Variants in RGL1 observed in about 807,000 individuals in gnomAD.
RGL1 encodes the protein ral guanine nucleotide dissociation stimulator-like 1.
A neutral mutation model predicts 95.2 loss-of-function variants in RGL1; 24 were observed. That is an observed-to-expected ratio of 0.25 (90% CI 0.18 to 0.35). The LOEUF is 0.35. Among genes scored for constraint, RGL1 ranks in the 10% least tolerant of loss-of-function variants. The probability of loss-of-function intolerance (pLI) is 1.00; values close to 1 mark genes in which losing one functional copy is unlikely to be tolerated. For missense variants in RGL1, 715 were observed against 936.3 expected (o/e 0.76, Z 3.08); for synonymous variants, 329 against 344.9 (o/e 0.95, Z 0.51).
chr1:183,758,611 A>G (rs895562903), intron 2 of RGL1, among the ~76,000 whole-genome samples: 4 of 152,102 alleles, frequency 2.6e-5, no homozygotes, highest in African/African-American at 4.8e-5. Context: ...TGTCTTCTCA[A>G]TGGGTCCTCA....
intron 4 of RGL1, 30 bp from the exon 5 acceptor site, chr1:183,880,586 G>A: frequency 6.2e-7 from 1 of 1,608,166 alleles, no homozygotes; most frequent in African/African-American, 1.3e-5. Context: ...AGCCAGTTGG[G>A]TGCAGTGACT....
intron 2 of RGL1, among the ~76,000 whole-genome samples, chr1:183,796,638 T>C (rs977049018): frequency 7.9e-5 from 12 of 152,194 alleles, no homozygotes; most frequent in African/African-American, 2.9e-4. Context: ...TTAGCTACTT[T>C]GTTATAGAAG....
chr1:183,907,154 G>T (rs1487801880), intron 14 of RGL1, 53 bp downstream of exon 14: 10 of 986,978 alleles, frequency 1.0e-5, no homozygotes, highest in Non-Finnish European at 1.6e-5. Context: ...TCAGAGTCGT[G>T]AGAGGAGATG....
intron 1 of RGL1, among the ~76,000 whole-genome samples, chr1:183,710,438 A>G (rs534894985): frequency 9.5e-4 from 144 of 152,160 alleles, no homozygotes; most frequent in Non-Finnish European, 1.7e-3. Flanking sequence ...CCTGAAAGGC[A>G]TGACTAGGGC....
Position 183,870,141 on chromosome 1 carries a change from G to A in RGL1, c.425+4068G>A, listed in dbSNP as rs572789249. ...TTTTAATGAGTGCCTGGGTGCAGGCGGGCTGAGACCTAAAATGACATCAGC... is the reference window on the plus strand; with the variant it reads ...TTTTAATGAGTGCCTGGGTGCAGGCAGGCTGAGACCTAAAATGACATCAGC... On this transcript the variant is annotated intron_variant, in intron 4 of 17. Coordinates refer to ENST00000360851, the MANE Select transcript of RGL1 (RefSeq NM_001297671.3). 5.9e-5 allele frequency among the ~76,000 whole-genome samples: 9 copies of A among 152,302 alleles called. No homozygotes were observed. In the South Asian group the frequency reaches 6.2e-4, roughly 11 times the overall value.
intron 2 of RGL1, among the ~76,000 whole-genome samples, chr1:183,743,962 G>A (rs1322013545): frequency 6.6e-6 from 1 of 152,224 alleles, no homozygotes; most frequent in Non-Finnish European, 1.5e-5. Context: ...CAGGAACCAA[G>A]TCAGTAGAAA....
rs144833300 is a variant in RGL1 at position 183,732,834 on chromosome 1, G to T, written c.-32-9292G>T. Among the ~76,000 whole-genome samples the T allele has an allele frequency of 1.9e-3, 283 of 152,290 alleles. 1 individual carries two copies. The highest frequency in any genetic ancestry group is 6.4e-3 in the African/African-American group (268 of 41,566). Reference sequence around the variant, plus strand: ...GTATCCCAGTAAGGTCCTTCCCATAGGCTGAGTTGAAAATACTCTGACTCC... The same window carrying T: ...GTATCCCAGTAAGGTCCTTCCCATATGCTGAGTTGAAAATACTCTGACTCC... On this transcript the variant is annotated intron_variant, in intron 1 of 18. Transcript: ENST00000304685.
At chr1:183,665,024 A>G (rs530650014) in intron 1 of RGL1, among the ~76,000 whole-genome samples, 1 of 152,138 alleles carries the variant, frequency 6.6e-6, no homozygotes, top group Non-Finnish European at 1.5e-5. Flanking sequence ...TAGATTTTTT[A>G]AAAATCAAGG....
chr1:183,865,559 A>G (rs1052734030), intron 3 of RGL1, among the ~76,000 whole-genome samples: 1 of 152,172 alleles, frequency 6.6e-6, no homozygotes, highest in Non-Finnish European at 1.5e-5. Context: ...TTGTGCTCCC[A>G]TGTGGCATGA....
chr1:183,917,978 G>A (rs566386566), intron 16 of RGL1, among the ~76,000 whole-genome samples: 5 of 152,268 alleles, frequency 3.3e-5, no homozygotes, highest in African/African-American at 9.6e-5. Flanking sequence ...CTTGAATGAC[G>A]GTCATGTGGC....
intron 2 of RGL1, among the ~76,000 whole-genome samples, chr1:183,814,247 G>A (rs917952966): frequency 2.0e-5 from 3 of 152,088 alleles, no homozygotes; most frequent in Admixed American, 6.5e-5. Flanking sequence ...CTTTTGTCTT[G>A]TCATTGTAGA....
upstream of RGL1, among the ~76,000 whole-genome samples, chr1:183,802,919 G>A (rs1170437706): frequency 6.6e-6 from 1 of 152,194 alleles, no homozygotes; most frequent in Non-Finnish European, 1.5e-5. Flanking sequence ...TGGCTTACTG[G>A]TTTGTCTTCC....
chr1:183,879,553 C>G (rs1054425856), intron 4 of RGL1, among the ~76,000 whole-genome samples: 1 of 152,152 alleles, frequency 6.6e-6, no homozygotes, highest in East Asian at 1.9e-4. Context: ...GGTGTTGTGT[C>G]TCTGTCAATA....
rs548367128 is a variant in RGL1 at position 183,731,042 on chromosome 1, A to G, written c.-32-11084A>G. Among the ~76,000 whole-genome samples the G allele has an allele frequency of 3.8e-4, 58 of 152,326 alleles. 1 individual carries two copies. Among genetic ancestry groups the G allele is most frequent in the African/African-American group, 1.4e-3 (58 of 41,576 alleles). ...AAGTGTATAAGTCATTTTTCAGTAC[A>G]CAATGAAGTTAACAATTAATATCTT... is the stretch of plus-strand genomic sequence containing the variant. On this transcript the variant is annotated intron_variant, in intron 1 of 18. Transcript: ENST00000304685.
At chr1:183,894,849 C>T (rs996304511) in intron 9 of RGL1, among the ~76,000 whole-genome samples, 1 of 152,094 alleles carries the variant, frequency 6.6e-6, no homozygotes, top group Non-Finnish European at 1.5e-5. Context: ...TGATTATTAG[C>T]AAAAATCTGT....
chr1:183,717,204 C>A (rs1018972986), intron 1 of RGL1, among the ~76,000 whole-genome samples: 1 of 152,174 alleles, frequency 6.6e-6, no homozygotes, highest in Non-Finnish European at 1.5e-5. Context: ...TTTGTTAGTT[C>A]TTCTTTCCCA....
chr1:183,889,134 C>T (rs768200115), intron 8 of RGL1, among the ~76,000 whole-genome samples: 43 of 152,210 alleles, frequency 2.8e-4, no homozygotes, highest in Non-Finnish European at 5.6e-4. Context: ...TTGGTGCAAC[C>T]GTTGGAATAA....
At chr1:183,680,523 T>G (rs1653139441) in intron 1 of RGL1, among the ~76,000 whole-genome samples, 1 of 152,288 alleles carries the variant, frequency 6.6e-6, no homozygotes, top group South Asian at 2.1e-4. Context: ...TCTGTTCTGT[T>G]CCATTGGTCT....
intron 3 of RGL1, among the ~76,000 whole-genome samples, chr1:183,864,576 C>T (rs1221631910): frequency 6.6e-6 from 1 of 152,202 alleles, no homozygotes; most frequent in African/African-American, 2.4e-5. Context: ...TCTTGTTTTC[C>T]ATCCTTGCCT....
Sources: allele counts gnomAD v4.1 joint callset (sites outside exome capture counted in the v4.1 genomes callset), GRCh38; gene constraint gnomAD v4.1.1; transcripts MANE v1.5; gene names NCBI Gene and HGNC (gene_info 2026-07-23, HGNC 2026-07-21).